Variants in MGAT5 observed in about 807,000 individuals in gnomAD.
MGAT5 encodes alpha-1,6-mannosylglycoprotein 6-beta-N-acetylglucosaminyltransferase A.
A neutral mutation model predicts 94.3 loss-of-function variants in MGAT5; 30 were observed. The ratio of observed to expected loss-of-function variants is 0.32; its 90% confidence interval spans 0.24 to 0.43. The LOEUF (loss-of-function observed/expected upper bound fraction) is 0.43. Ranked by LOEUF, MGAT5 falls within the 20% of genes least tolerant of loss-of-function variation. The probability of loss-of-function intolerance (pLI) is 1.00; values close to 1 mark genes in which losing one functional copy is unlikely to be tolerated. For synonymous variants in MGAT5, 310 were observed against 322.9 expected, an observed-to-expected ratio of 0.96 and a Z score of 0.43; for missense variants, 691 against 905.5, an observed-to-expected ratio of 0.76 and a Z score of 3.04.
chr2:134,237,148 T>TGTGCGCGCGC (rs374914892), intron 1 of MGAT5, among the ~76,000 whole-genome samples: 3 of 140,744 alleles, frequency 2.1e-5, no homozygotes, highest in Non-Finnish European at 4.6e-5. Context: ...TGTGTGTGTG[T>TGTGCGCGCGC]GCGCGTGTGT....
intron 2 of MGAT5, among the ~76,000 whole-genome samples, chr2:134,276,559 G>C (rs1257199): frequency 0.97 from 147,878 of 152,322 alleles, 71,849 homozygotes; most frequent in East Asian, 1. Flanking sequence ...AAATACCCTT[G>C]ACAGCATACT....
chr2:134,188,970 C>T (rs1689178959), intron 1 of MGAT5, among the ~76,000 whole-genome samples: 1 of 152,184 alleles, frequency 6.6e-6, no homozygotes, highest in African/African-American at 2.4e-5. Flanking sequence ...GAAGGTCAGT[C>T]AAATGAAGAG....
In MGAT5 at chr2:134,216,882, G is replaced by A. The variant is rs377568898; in HGVS notation, c.-142-37380G>A. 3.9e-5 allele frequency among the ~76,000 whole-genome samples: 6 copies of A among 152,146 alleles called. No individual in the cohort carries two copies. The South Asian group carries it at 6.2e-4, about 16-fold the overall frequency. ...TTAAGAGCCATAGGAATAGATTGGC[G>A]CTCTAGTCTGCACATGACAGGAATC... On this transcript the variant is annotated intron_variant, in intron 1 of 16. Transcript: ENST00000409645.
intron 1 of MGAT5, 78 bp downstream of exon 1, chr2:134,254,722 C>T: frequency 3.2e-6 from 5 of 1,561,498 alleles, no homozygotes; most frequent in Non-Finnish European, 4.4e-6. Context: ...CAGATATGGT[C>T]TTGTCATGGA....
intron 1 of MGAT5, among the ~76,000 whole-genome samples, chr2:134,205,307 A>G (rs1679974371): frequency 6.6e-6 from 1 of 152,214 alleles, no homozygotes; most frequent in African/African-American, 2.4e-5. Context: ...GCAGGCAGGA[A>G]GACGAGCTAG....
At chr2:134,163,975 A>T (rs1239484552) in intron 1 of MGAT5, among the ~76,000 whole-genome samples, 1 of 152,230 alleles carries the variant, frequency 6.6e-6, no homozygotes, top group Non-Finnish European at 1.5e-5. Flanking sequence ...GGAAGAGAGA[A>T]TAGGGGACAA....
chr2:134,205,902 G>T (rs1680004218), intron 1 of MGAT5, among the ~76,000 whole-genome samples: 1 of 152,168 alleles, frequency 6.6e-6, no homozygotes, highest in Non-Finnish European at 1.5e-5. Flanking sequence ...TCCCTGCAGA[G>T]ATGTTAGAAA....
chr2:134,406,951 A>C (rs1220848191), intron 11 of MGAT5, among the ~76,000 whole-genome samples: 1 of 152,168 alleles, frequency 6.6e-6, no homozygotes, highest in Admixed American at 6.5e-5. Context: ...CAGCTGCATG[A>C]GGGCAGAGGG....
At chr2:134,181,311 G>C (rs909083765) in intron 1 of MGAT5, among the ~76,000 whole-genome samples, 8 of 152,148 alleles carry the variant, frequency 5.3e-5, no homozygotes, top group African/African-American at 1.9e-4. Flanking sequence ...GTAAATAGTA[G>C]TGTTGAGGTT....
At chr2:134,423,419 C>T (rs1422320627) in intron 13 of MGAT5, among the ~76,000 whole-genome samples, 2 of 152,298 alleles carry the variant, frequency 1.3e-5, no homozygotes, top group Admixed American at 6.5e-5. Flanking sequence ...ACCTACCATA[C>T]ACAGAGTGCT....
chr2:134,285,579 G>A (rs1367297650), intron 2 of MGAT5, among the ~76,000 whole-genome samples: 1 of 152,024 alleles, frequency 6.6e-6, no homozygotes, highest in Non-Finnish European at 1.5e-5. Flanking sequence ...TAAATTTAAA[G>A]GTCAAATAGT....
intron 10 of MGAT5, among the ~76,000 whole-genome samples, chr2:134,387,321 TATATA>T (rs1558847448): frequency 2.3e-4 from 12 of 52,630 alleles, no homozygotes; most frequent in Non-Finnish European, 3.7e-4. Context: ...TATATATATA[TATATA>T]TATATATTTT....
chr2:134,249,613 C>A (rs1050624167), upstream of MGAT5, among the ~76,000 whole-genome samples: 1 of 152,164 alleles, frequency 6.6e-6, no homozygotes, highest in African/African-American at 2.4e-5. Context: ...TATTTAATTG[C>A]ATGGATATGG....
intron 10 of MGAT5, 40 bp downstream of exon 10, chr2:134,362,448 C>T (rs1299061399): frequency 6.3e-7 from 1 of 1,598,760 alleles, no homozygotes; most frequent in Non-Finnish European, 8.5e-7. Context: ...TGAAAAGAAG[C>T]TTGTTGGGTA....
intron 1 of MGAT5, among the ~76,000 whole-genome samples, chr2:134,238,537 C>G (rs901614407): frequency 1.3e-5 from 2 of 152,208 alleles, no homozygotes; most frequent in African/African-American, 4.8e-5. Flanking sequence ...AGCTATAAGA[C>G]TTTTCTGGGA....
intron 2 of MGAT5, among the ~76,000 whole-genome samples, chr2:134,317,323 A>G (rs2105897585): frequency 6.6e-6 from 1 of 152,212 alleles, no homozygotes; most frequent in Middle Eastern, 3.4e-3. Context: ...GTCTCTGGCC[A>G]GCCTGTAGTT....
chr2:134,244,207 G>A (rs1255450717), intron 1 of MGAT5, among the ~76,000 whole-genome samples: 3 of 152,166 alleles, frequency 2.0e-5, no homozygotes, highest in African/African-American at 4.8e-5. Context: ...TTTCACAGAT[G>A]ATTCTTTCTT....
intron 1 of MGAT5, among the ~76,000 whole-genome samples, chr2:134,148,835 C>T (rs184715006): frequency 2.7e-5 from 4 of 150,008 alleles, no homozygotes; most frequent in Admixed American, 6.7e-5. Flanking sequence ...CTCGGCTCAC[C>T]GCAACCTCTG....
intron 1 of MGAT5, among the ~76,000 whole-genome samples, chr2:134,148,922 CTAATTTTTGTTTTTG>C (rs1382372320): frequency 2.6e-5 from 4 of 152,042 alleles, no homozygotes; most frequent in Admixed American, 2.6e-4. Flanking sequence ...CCACACCTAG[CTAATTTTTGTTTTTG>C]TACTTTTAGT....
Sources: allele counts gnomAD v4.1 joint callset (sites outside exome capture counted in the v4.1 genomes callset), GRCh38; gene constraint gnomAD v4.1.1; transcripts MANE v1.5; gene names NCBI Gene and HGNC (gene_info 2026-07-23, HGNC 2026-07-21).